The following LSM14A variants were observed in gnomAD, a reference collection of about 807,000 sequenced individuals.
The protein encoded by LSM14A is LSM14A mRNA processing body assembly factor, also known as protein LSM14 homolog A.
A neutral mutation model predicts 52.4 loss-of-function variants in LSM14A; 14 were observed. That is an observed-to-expected ratio of 0.27 (90% CI 0.18 to 0.42). LSM14A has a LOEUF of 0.42. LSM14A is among the 10% of genes least tolerant of loss of function. LSM14A has a pLI of 1.00. For synonymous variants in LSM14A, 185 were observed against 200.3 expected (o/e 0.92, Z 0.64); for missense variants, 417 against 581.8 (o/e 0.72, Z 2.91).
chr19:34,214,310 T>G (rs1393733960), intron 4 of LSM14A, among the ~76,000 whole-genome samples: 1 of 151,380 alleles, frequency 6.6e-6, no homozygotes, highest in Non-Finnish European at 1.5e-5. Flanking sequence ...ATTTATTTAT[T>G]TATTTATTTA....
chr19:34,222,944 T>G (rs2073141569), intron 9 of LSM14A, among the ~76,000 whole-genome samples: 1 of 152,220 alleles, frequency 6.6e-6, no homozygotes, highest in Non-Finnish European at 1.5e-5. Flanking sequence ...TCACAAATAT[T>G]TTATTTGCCA....
At chr19:34,224,351 C>A (rs1032921668) in intron 9 of LSM14A, among the ~76,000 whole-genome samples, 1 of 152,148 alleles carries the variant, frequency 6.6e-6, no homozygotes, top group Non-Finnish European at 1.5e-5. Context: ...AAAAACAAAC[C>A]TTCCATGCAG....
At chr19:34,205,133 A>T (rs1386798055) in intron 3 of LSM14A, among the ~76,000 whole-genome samples, 17 of 151,666 alleles carry the variant, frequency 1.1e-4, no homozygotes, top group Non-Finnish European at 1.5e-5. Flanking sequence ...CTTTGTCTCA[A>T]ATAAAAAGGA....
intron 8 of LSM14A, among the ~76,000 whole-genome samples, chr19:34,220,991 G>A (rs1040113564): frequency 6.6e-6 from 1 of 151,658 alleles, no homozygotes; most frequent in Non-Finnish European, 1.5e-5. Flanking sequence ...ACTAATGTCA[G>A]TCATGTGTTC....
chr19:34,195,594 T>C (rs1280584497), intron 2 of LSM14A, among the ~76,000 whole-genome samples: 1 of 152,238 alleles, frequency 6.6e-6, no homozygotes, highest in African/African-American at 2.4e-5. Context: ...TGTTGCAGCA[T>C]AAGCTGGAGA....
At chr19:34,191,683 T>C (rs2070395285) in intron 1 of LSM14A, among the ~76,000 whole-genome samples, 1 of 152,208 alleles carries the variant, frequency 6.6e-6, no homozygotes, top group African/African-American at 2.4e-5. Flanking sequence ...TAAGCTCTGT[T>C]AGGCCTTAGG....
intron 4 of LSM14A, among the ~76,000 whole-genome samples, chr19:34,211,246 C>T (rs1212787854): frequency 6.6e-6 from 1 of 151,300 alleles, no homozygotes; most frequent in Non-Finnish European, 1.5e-5. Context: ...TGCAGTGAGC[C>T]GAGATCACGC....
At chr19:34,203,936 A>G (rs560839766) in intron 3 of LSM14A, among the ~76,000 whole-genome samples, 1 of 151,982 alleles carries the variant, frequency 6.6e-6, no homozygotes, top group East Asian at 1.9e-4. Flanking sequence ...AGGCCCAACT[A>G]TATTATGTTT....
chr19:34,215,342 A>G (rs542635144), intron 5 of LSM14A, 42 bp downstream of exon 5: 109 of 1,513,450 alleles, frequency 7.2e-5, no homozygotes, highest in Middle Eastern at 3.5e-4. Flanking sequence ...TGACTGATCA[A>G]TGTTTTCCAC....
intron 1 of LSM14A, among the ~76,000 whole-genome samples, chr19:34,192,323 T>TTTTG (rs1555767855): frequency 7.1e-5 from 7 of 99,182 alleles, no homozygotes; most frequent in Non-Finnish European, 8.3e-5. Context: ...TTTGTTGTTT[T>TTTTG]TTTTTTTTTT....
At chr19:34,222,681 C>CT (rs2073129266) in intron 9 of LSM14A, among the ~76,000 whole-genome samples, 1 of 152,080 alleles carries the variant, frequency 6.6e-6, no homozygotes, top group South Asian at 2.1e-4. Context: ...GCTTTTGGAC[C>CT]TGCTCTATTA....
At chr19:34,212,753 A>G (rs1333490925) in intron 4 of LSM14A, among the ~76,000 whole-genome samples, 1 of 152,194 alleles carries the variant, frequency 6.6e-6, no homozygotes, top group Non-Finnish European at 1.5e-5. Context: ...CCCTGTTTAT[A>G]ACAAAACTGG....
At chr19:34,196,810 T>C (rs761760154) in intron 3 of LSM14A, 47 bp downstream of exon 3, 16 of 1,518,964 alleles carry the variant, frequency 1.1e-5, no homozygotes, top group Admixed American at 6.0e-5. Flanking sequence ...ATTCTTCCTT[T>C]CTTTACCACA....
Position 34,218,868 on chromosome 19 carries a change from C to T in LSM14A, c.782-523C>T, listed in dbSNP as rs573375637. On this transcript the variant is annotated intron_variant, in intron 6 of 9. Transcript: ENST00000544216. Reference sequence around the variant, plus strand: ...TGAGTCAGTAAGGATTGGTGCTTGTCTGTTTTTTATCTGTGATGTGGAAAT... The same window carrying T: ...TGAGTCAGTAAGGATTGGTGCTTGTTTGTTTTTTATCTGTGATGTGGAAAT... 4.6e-5 allele frequency among the ~76,000 whole-genome samples: 7 copies of T among 152,278 alleles called. No homozygotes were observed. The South Asian group carries it at 1.5e-3, about 32-fold the overall frequency.
At chr19:34,204,783 T>C (rs948080954) in intron 3 of LSM14A, among the ~76,000 whole-genome samples, 10 of 152,176 alleles carry the variant, frequency 6.6e-5, no homozygotes, top group African/African-American at 2.4e-4. Flanking sequence ...TTTGTGGGTG[T>C]AGCTAAAACA....
At chr19:34,214,396 C>T (rs1227500858) in intron 4 of LSM14A, among the ~76,000 whole-genome samples, 1 of 151,942 alleles carries the variant, frequency 6.6e-6, no homozygotes, top group Non-Finnish European at 1.5e-5. Flanking sequence ...ACTGCAGCTT[C>T]TGCCTCCCGG....
chr19:34,180,180 A>G (rs961568744), intron 1 of LSM14A, among the ~76,000 whole-genome samples: 1 of 152,172 alleles, frequency 6.6e-6, no homozygotes, highest in Non-Finnish European at 1.5e-5. Flanking sequence ...TGGCCTCCCA[A>G]AGTGCTGGGA....
At chr19:34,207,599 T>C (rs2071799185) in intron 3 of LSM14A, among the ~76,000 whole-genome samples, 1 of 151,488 alleles carries the variant, frequency 6.6e-6, no homozygotes, top group Non-Finnish European at 1.5e-5. Flanking sequence ...TGGCCCAATA[T>C]TGGCTCATTG....
chr19:34,203,563 G>T (rs2071454723), intron 3 of LSM14A, among the ~76,000 whole-genome samples: 1 of 152,196 alleles, frequency 6.6e-6, no homozygotes, highest in African/African-American at 2.4e-5. Context: ...ACTTTGGGAG[G>T]CTGAGACGAG....
Sources: allele counts gnomAD v4.1 joint callset (sites outside exome capture counted in the v4.1 genomes callset), GRCh38; gene constraint gnomAD v4.1.1; transcripts MANE v1.5; gene names NCBI Gene and HGNC (gene_info 2026-07-23, HGNC 2026-07-21).